Variants in KRABD5 observed in about 807,000 individuals in gnomAD.
KRABD5 encodes KRAB domain-containing protein 5.
chr16:31,719,736 C>T, the KRABD5 span, among the ~76,000 whole-genome samples: 1 of 152,196 alleles, frequency 6.6e-6, no homozygotes, highest in African/African-American at 2.4e-5. Flanking sequence ...TTCCCCAAAC[C>T]CAAAAGCAGT....
the KRABD5 span, among the ~76,000 whole-genome samples, chr16:31,731,743 G>A: frequency 6.6e-6 from 1 of 152,230 alleles, no homozygotes; most frequent in African/African-American, 2.4e-5. Flanking sequence ...GGGCACAGAT[G>A]TGTGTGCTTT....
chr16:31,724,223 T>TC, the KRABD5 span, among the ~76,000 whole-genome samples: 1 of 152,134 alleles, frequency 6.6e-6, no homozygotes, highest in Non-Finnish European at 1.5e-5. Flanking sequence ...TTTCCTTCCT[T>TC]CTTTCATGTG....
At chr16:31,722,247 G>A in the KRABD5 span, among the ~76,000 whole-genome samples, 7 of 151,962 alleles carry the variant, frequency 4.6e-5, no homozygotes, top group African/African-American at 1.7e-4. Context: ...CTAATTTTTT[G>A]TATTTTTAGT....
chr16:31,713,471 A>G, the KRABD5 span: 2 of 1,595,616 alleles, frequency 1.3e-6, no homozygotes, highest in Admixed American at 3.4e-5. Context: ...CAGAAGAGGG[A>G]GAGGGGCGGT....
At chr16:31,734,752 C>CT in the KRABD5 span, among the ~76,000 whole-genome samples, 1,176 of 142,378 alleles carry the variant, frequency 8.3e-3, 10 homozygotes, top group African/African-American at 0.025. Flanking sequence ...TTTTCTTTTT[C>CT]TTTTTTTTTT....
chr16:31,727,375 T>C, the KRABD5 span, among the ~76,000 whole-genome samples: 16 of 152,318 alleles, frequency 1.1e-4, no homozygotes, highest in South Asian at 3.3e-3. Flanking sequence ...AAGTGCAAGA[T>C]AGTGGTAGAA....
the KRABD5 span, chr16:31,753,842 T>C: frequency 6.4e-7 from 1 of 1,550,674 alleles, no homozygotes; most frequent in Middle Eastern, 1.7e-4. Flanking sequence ...TGATATTGGA[T>C]GGATATGGGA....
the KRABD5 span, among the ~76,000 whole-genome samples, chr16:31,732,105 A>G: frequency 2.6e-5 from 4 of 152,204 alleles, no homozygotes; most frequent in Non-Finnish European, 4.4e-5. Flanking sequence ...ACAGTCAGAT[A>G]TAGCAATTTT....
the KRABD5 span, chr16:31,722,817 G>A: frequency 6.8e-7 from 1 of 1,469,820 alleles, no homozygotes; most frequent in African/African-American, 1.5e-5. Flanking sequence ...TCTTTCCTTT[G>A]TAGAATGTCA....
At chr16:31,728,584 G>C in the KRABD5 span, among the ~76,000 whole-genome samples, 1 of 151,424 alleles carries the variant, frequency 6.6e-6, no homozygotes, top group Non-Finnish European at 1.5e-5. Flanking sequence ...TAATATTTAC[G>C]TATTTGTGAA....
At chr16:31,725,187 C>T in the KRABD5 span, among the ~76,000 whole-genome samples, 1 of 141,582 alleles carries the variant, frequency 7.1e-6, no homozygotes, top group Non-Finnish European at 1.5e-5. Flanking sequence ...GCCATCTTGG[C>T]TCACTACAAC....
At chr16:31,739,324 T>C in the KRABD5 span, among the ~76,000 whole-genome samples, 1 of 152,290 alleles carries the variant, frequency 6.6e-6, no homozygotes, top group East Asian at 1.9e-4. Context: ...GCAGAAAACA[T>C]TTTCTTGATT....
chr16:31,758,751 G>A, the KRABD5 span: 10 of 150,650 alleles, frequency 6.6e-5, no homozygotes, highest in African/African-American at 2.4e-4. Context: ...TCCAGCCTGG[G>A]CGACAAGAGC....
chr16:31,713,384 C>A, the KRABD5 span: 1 of 1,594,856 alleles, frequency 6.3e-7, no homozygotes, highest in African/African-American at 1.3e-5. Flanking sequence ...GACCGGCAGG[C>A]ACCGGGAGAT....
chr16:31,752,830 G>T, the KRABD5 span, among the ~76,000 whole-genome samples: 1 of 152,110 alleles, frequency 6.6e-6, no homozygotes, highest in Admixed American at 6.5e-5. Context: ...TTGTACTCTG[G>T]CCTGGTGACA....
chr16:31,741,867 A>C, the KRABD5 span, among the ~76,000 whole-genome samples: 721 of 152,216 alleles, frequency 4.7e-3, 9 homozygotes, highest in African/African-American at 0.016. Context: ...TTCTTTGCCA[A>C]AGTCAATGTC....
chr16:31,713,586 G>C, the KRABD5 span: 1 of 1,204,146 alleles, frequency 8.3e-7, no homozygotes, highest in Non-Finnish European at 1.1e-6. Flanking sequence ...GATGGCGGCC[G>C]GGCCGGCAGC....
the KRABD5 span, among the ~76,000 whole-genome samples, chr16:31,748,507 G>A: frequency 2.0e-5 from 3 of 152,152 alleles, no homozygotes; most frequent in South Asian, 6.2e-4. Flanking sequence ...CTTTTATGAA[G>A]GTTTTTAGCT....
At chr16:31,756,417 C>T in the KRABD5 span, 1 of 151,926 alleles carries the variant, frequency 6.6e-6, no homozygotes, top group African/African-American at 2.4e-5. Flanking sequence ...ACTGGCATAC[C>T]TTTATAGTAC....
Sources: gnomAD v4.1 joint callset for allele counts (sites outside exome capture counted in the v4.1 genomes callset) on GRCh38, gnomAD v4.1.1 for gene constraint, MANE v1.5 for transcripts, NCBI Gene and HGNC (gene_info 2026-07-23, HGNC 2026-07-21) for gene names.